OCA2: variants seen among roughly 807,000 people sequenced by gnomAD.
The protein encoded by OCA2 is OCA2 melanosomal transmembrane protein.
Under a neutral mutation model 100.2 loss-of-function variants are expected in OCA2, and 77 were observed. The ratio of observed to expected loss-of-function variants is 0.77; its 90% CI spans 0.64 to 0.93. The LOEUF (loss-of-function observed/expected upper bound fraction) is 0.93, where lower values mean the gene tolerates loss of function less well. Ranked by LOEUF, OCA2 falls within the 40% of genes least tolerant of loss-of-function variation. The probability of loss-of-function intolerance (pLI) is 0.00; values close to 1 mark genes in which losing one functional copy is unlikely to be tolerated. For missense variants in OCA2, 1,062 were observed against 1,089.1 expected (o/e 0.98, Z 0.35); for synonymous variants, 432 against 439.2 (o/e 0.98, Z 0.21).
chr15:27,842,872 C>T (rs1392173894), intron 23 of OCA2, among the ~76,000 whole-genome samples: 1 of 152,192 alleles, frequency 6.6e-6, no homozygotes, highest in Non-Finnish European at 1.5e-5. Flanking sequence ...ACACCAAATG[C>T]AAGAACTATG....
At chr15:28,095,327 C>T (rs1448312093) in intron 1 of OCA2, among the ~76,000 whole-genome samples, 1 of 152,208 alleles carries the variant, frequency 6.6e-6, no homozygotes, top group Admixed American at 6.5e-5. Context: ...CCTCCCACCC[C>T]GCCCCTGTGA....
intron 23 of OCA2, among the ~76,000 whole-genome samples, chr15:27,809,512 A>G (rs2033990963): frequency 6.6e-6 from 1 of 152,208 alleles, no homozygotes; most frequent in Admixed American, 6.5e-5. Context: ...ATTGGAAGTA[A>G]TAGCCAGAGC....
At chr15:27,872,598 G>A (rs2036623116) in intron 19 of OCA2, among the ~76,000 whole-genome samples, 1 of 152,204 alleles carries the variant, frequency 6.6e-6, no homozygotes, top group South Asian at 2.1e-4. Flanking sequence ...GCACCTCTGT[G>A]GGTGTGGCCT....
chr15:27,778,654 T>C (rs2032376715), intron 23 of OCA2, among the ~76,000 whole-genome samples: 1 of 151,192 alleles, frequency 6.6e-6, no homozygotes, highest in Non-Finnish European at 1.5e-5. Context: ...AGAAGAAAAG[T>C]TGTGGAAATT....
chr15:28,025,600 G>A (rs531650617), intron 4 of OCA2, among the ~76,000 whole-genome samples: 9 of 152,276 alleles, frequency 5.9e-5, no homozygotes, highest in African/African-American at 1.2e-4. Flanking sequence ...TTTGCCTGCC[G>A]GGATGCTCCC....
chr15:27,738,689 C>T, the OCA2 span, among the ~76,000 whole-genome samples: 3 of 149,136 alleles, frequency 2.0e-5, no homozygotes, highest in East Asian at 6.1e-4. Flanking sequence ...GAGCCGAGAT[C>T]GCGCCACCGC....
chr15:27,846,342 C>T (rs12914243), intron 22 of OCA2, among the ~76,000 whole-genome samples: 75,492 of 151,798 alleles, frequency 0.5, 20,035 homozygotes, highest in African/African-American at 0.7. Flanking sequence ...ACAAAGAAGC[C>T]GATGTTCCTC....
intron 2 of OCA2, among the ~76,000 whole-genome samples, chr15:28,070,411 C>T (rs1358404753): frequency 2.3e-5 from 3 of 133,154 alleles, no homozygotes; most frequent in African/African-American, 9.7e-5. Flanking sequence ...CCCCTCAGCC[C>T]GGCCAGCCAC....
intron 2 of OCA2, among the ~76,000 whole-genome samples, chr15:28,069,355 G>A (rs182903984): frequency 5.0e-3 from 134 of 26,818 alleles, no homozygotes; most frequent in African/African-American, 0.011. Context: ...TGAAACACCT[G>A]CCCTCTCCCT....
rs182762383 is a variant in OCA2, at chr15:28,082,185, A to C, written c.-21-290T>G. On this transcript the variant is annotated intron_variant, in intron 1 of 23. Transcript: ENST00000354638. ...TAAATGCACCAATCAGCAATCTATA[A>C]AATGGACCAATCAGCACTCTGTACA... Among the ~76,000 whole-genome samples the C allele has an allele frequency of 3.0e-3, 456 of 152,266 alleles. 1 individual carries two copies. The highest frequency in any genetic ancestry group is 6.8e-3 in the Middle Eastern group (2 of 294).
intron 18 of OCA2, among the ~76,000 whole-genome samples, chr15:27,937,139 G>A (rs564838107): frequency 6.6e-6 from 1 of 152,240 alleles, no homozygotes; most frequent in African/African-American, 2.4e-5. Context: ...GAGAGTAAAT[G>A]TGCCTGTTTC....
intron 23 of OCA2, among the ~76,000 whole-genome samples, chr15:27,844,083 C>T (rs2035442578): frequency 6.6e-6 from 1 of 152,312 alleles, no homozygotes; most frequent in Admixed American, 6.5e-5. Flanking sequence ...ATTCTGCCCC[C>T]TCACCTGTTT....
At chr15:27,971,452 T>C (rs1319130310) in intron 14 of OCA2, among the ~76,000 whole-genome samples, 1 of 152,112 alleles carries the variant, frequency 6.6e-6, no homozygotes, top group Non-Finnish European at 1.5e-5. Context: ...TCCTGTCAGC[T>C]TGTTAGGAGC....
At chr15:27,952,036 AC>A (rs1382617257) in intron 17 of OCA2, 144 bp from the exon 18 acceptor site, 19 of 717,230 alleles carry the variant, frequency 2.6e-5, no homozygotes, top group Non-Finnish European at 4.8e-5. Flanking sequence ...ATGGCAAAGT[AC>A]TGTGTTACAA....
the OCA2 span, among the ~76,000 whole-genome samples, chr15:27,742,489 C>T: frequency 4.9e-4 from 74 of 152,208 alleles, no homozygotes; most frequent in African/African-American, 1.5e-3. Flanking sequence ...GAGTCCCATC[C>T]CAGGCTGAAG....
chr15:27,942,412 T>G (rs1361339250), intron 18 of OCA2, among the ~76,000 whole-genome samples: 1 of 151,862 alleles, frequency 6.6e-6, no homozygotes, highest in Non-Finnish European at 1.5e-5. Flanking sequence ...AAAGACCACA[T>G]GTTAAATGAT....
the OCA2 span, among the ~76,000 whole-genome samples, chr15:27,730,732 AATATATATATATATATATATATAT>A: frequency 0.12 from 12,302 of 102,048 alleles, 1,852 homozygotes; most frequent in African/African-American, 0.35. Context: ...AAAAAGACCA[AATATATATATATATATATATATAT>A]ATATATATAT....
the OCA2 span, among the ~76,000 whole-genome samples, chr15:27,743,811 G>C: frequency 6.6e-6 from 1 of 151,946 alleles, no homozygotes; most frequent in Non-Finnish European, 1.5e-5. Context: ...CTTGGCTTTC[G>C]GCAGCCTCCT....
chr15:27,981,790 A>T (rs1054270324), intron 14 of OCA2, among the ~76,000 whole-genome samples: 1 of 152,002 alleles, frequency 6.6e-6, no homozygotes, highest in Non-Finnish European at 1.5e-5. Context: ...CCCTCTGAGG[A>T]TCTCTGTGGT....
Sources: gnomAD v4.1 joint callset for allele counts (sites outside exome capture counted in the v4.1 genomes callset) on GRCh38, gnomAD v4.1.1 for gene constraint, MANE v1.5 for transcripts, NCBI Gene and HGNC (gene_info 2026-07-23, HGNC 2026-07-21) for gene names.